The following KIF13A variants were observed in gnomAD, a reference collection of about 807,000 sequenced individuals.
KIF13A encodes the protein kinesin-like protein KIF13A.
In KIF13A, 79 loss-of-function variants were observed where a neutral mutation model predicts 212.2. The observed-to-expected ratio is 0.37, with a 90% CI of 0.31 to 0.45. The LOEUF is 0.45. Ranked by LOEUF, KIF13A falls within the 20% of genes least tolerant of loss-of-function variation. The pLI is 1.00. For missense variants in KIF13A, 1,901 were observed against 2,209.0 expected (o/e 0.86, Z 2.79); for synonymous variants, 789 against 808.6 (o/e 0.98, Z 0.41).
At chr6:17,763,362 C>T (rs545627013), downstream of KIF13A, among the ~76,000 whole-genome samples, 30 of 147,866 alleles carry the variant, frequency 2.0e-4, no homozygotes, top group Admixed American at 4.2e-4. Flanking sequence ...CCCAGCTACA[C>T]GGGAGGCTGA....
At position 17,771,052 on chromosome 6, in the gene KIF13A, G is replaced by A. The variant is rs9477523; in HGVS notation, c.4581+62C>T. ...AATTTCTTCTAGCATTTGGATGATTGTCTGTGAAAGGGCCTTAAACCCACC... is the reference window on the plus strand; with the variant it reads ...AATTTCTTCTAGCATTTGGATGATTATCTGTGAAAGGGCCTTAAACCCACC... On this transcript the variant is annotated intron_variant, in intron 38 of 38. Coordinates refer to ENST00000259711, the MANE Select transcript of KIF13A (RefSeq NM_022113.6). The surrounding 1 kb of genome is among the most constrained non-coding windows in gnomAD (Gnocchi z 5.4). 800 of 1,028,532 alleles carry A rather than the reference G, an allele frequency of 7.8e-4. 2 individuals are homozygous for A. The African/African-American group carries it at 8.0e-3, about 10-fold the overall frequency. The allele number at this position is 1,028,532 out of a possible 1,614,324, so 63.7% of individuals were successfully genotyped here.
At chr6:17,927,600 C>T (rs1039569346) in intron 2 of KIF13A, among the ~76,000 whole-genome samples, 3 of 152,104 alleles carry the variant, frequency 2.0e-5, no homozygotes, top group African/African-American at 7.2e-5. Flanking sequence ...GTGGTGATGG[C>T]TGCATAACAC....
In KIF13A at chr6:17,834,527, C is replaced by T. The variant is rs923399994; in HGVS notation, c.1156-456G>A. On this transcript the variant is annotated intron_variant, in intron 11 of 38. Coordinates refer to ENST00000259711, the MANE Select transcript of KIF13A (RefSeq NM_022113.6). This position sits in a 1 kb window ranked among gnomAD's most constrained non-coding sequence, Gnocchi z 4.0. ...TAAATTTTGAATCTGGGCCTTTAGA[C>T]TACCTTTCTCCACTGATGGTCATGC... Among the ~76,000 whole-genome samples the T allele has an allele frequency of 2.6e-5, 4 of 152,184 alleles. No homozygotes were observed. The highest frequency in any genetic ancestry group is 9.7e-5 in the African/African-American group (4 of 41,438).
chr6:17,791,433 G>C (rs1035533817), intron 25 of KIF13A, among the ~76,000 whole-genome samples: 1 of 148,102 alleles, frequency 6.8e-6, no homozygotes, highest in African/African-American at 2.5e-5. Context: ...ACACTTAACA[G>C]ACGTGACCTG....
intron 4 of KIF13A, among the ~76,000 whole-genome samples, chr6:17,859,638 A>ATATATATATATATATATATTTTTTTTT (rs1461455926): frequency 3.9e-4 from 44 of 111,830 alleles, no homozygotes; most frequent in African/African-American, 1.4e-3. Context: ...ATATATATAT[A>ATATATATATATATATATATTTTTTTTT]TTTTTTTTTT....
chr6:17,779,744 T>TG, intron 31 of KIF13A, 60 bp from the exon 32 acceptor site: 12 of 508,244 alleles, frequency 2.4e-5, no homozygotes, highest in East Asian at 4.7e-5. Context: ...TATTTTGTAT[T>TG]TTTTTTTTTT....
chr6:17,823,415 G>A (rs1397969545), intron 16 of KIF13A, among the ~76,000 whole-genome samples: 6 of 110,226 alleles, frequency 5.4e-5, no homozygotes, highest in South Asian at 3.0e-4. Context: ...CTCTCTCCCC[G>A]CCCCCCACTT....
rs146572836 is a variant in KIF13A at position 17,941,749 on chromosome 6, G to GT, written c.147-43570dup. Reference sequence around the variant, plus strand: ...CCATGTTGAAGGCACCCAGTCTGTGGTACTATGCTATGGTAACCCTAGCAA... The same window carrying GT: ...CCATGTTGAAGGCACCCAGTCTGTGGTTACTATGCTATGGTAACCCTAGCAA... On this transcript the variant is annotated intron_variant, in intron 2 of 38. Transcript: ENST00000259711. 3.0e-3 allele frequency among the ~76,000 whole-genome samples: 446 copies of GT among 150,330 alleles called. 13 individuals are homozygous for GT. The East Asian group carries it at 0.077, about 26-fold the overall frequency.
At chr6:17,884,819 A>G (rs773112903) in intron 3 of KIF13A, among the ~76,000 whole-genome samples, 1 of 152,136 alleles carries the variant, frequency 6.6e-6, no homozygotes, top group Non-Finnish European at 1.5e-5. Flanking sequence ...GCCACTATCT[A>G]CTTTGAAAAC....
At chr6:17,763,341 G>C (rs878869797), downstream of KIF13A, among the ~76,000 whole-genome samples, 2 of 151,924 alleles carry the variant, frequency 1.3e-5, no homozygotes, top group African/African-American at 4.8e-5. Flanking sequence ...GTGCTGGCAC[G>C]TGCCTGTAGT....
chr6:17,766,253 T>TTTATTTATTTA (rs1758970721), intron 38 of KIF13A, among the ~76,000 whole-genome samples: 1 of 146,170 alleles, frequency 6.8e-6, no homozygotes. Flanking sequence ...TATTTATTTA[T>TTTATTTATTTA]TTTGAGATGG....
At chr6:17,941,897 T>C (rs572017534) in intron 2 of KIF13A, among the ~76,000 whole-genome samples, 1 of 152,190 alleles carries the variant, frequency 6.6e-6, no homozygotes, top group East Asian at 1.9e-4. Flanking sequence ...AACGTTATTA[T>C]TAGAGATACT....
chr6:17,793,228 G>A (rs910435029), intron 25 of KIF13A, among the ~76,000 whole-genome samples: 2 of 152,008 alleles, frequency 1.3e-5, no homozygotes, highest in African/African-American at 4.8e-5. Flanking sequence ...TGACAGTCAT[G>A]CACCACGACA....
At chr6:17,845,888 C>T (rs1766980412) in intron 9 of KIF13A, among the ~76,000 whole-genome samples, 1 of 152,124 alleles carries the variant, frequency 6.6e-6, no homozygotes, top group South Asian at 2.1e-4. Context: ...TTCCTAAATC[C>T]ACAGCCCATT....
At position 17,777,718 on chromosome 6, in the gene KIF13A, CAT is replaced by C. The variant is rs549080067; in HGVS notation, c.4093-366_4093-365del. On this transcript the variant is annotated intron_variant, in intron 33 of 38. Transcript: ENST00000259711. This position sits in a 1 kb window ranked among gnomAD's most constrained non-coding sequence, Gnocchi z 4.4. ...TTTTTTATTCTAATTATAAAAGTAA[CAT>C]ATGTTTATTTATAGATTTAAATATA... is the stretch of plus-strand genomic sequence containing the variant. 3.5e-3 allele frequency among the ~76,000 whole-genome samples: 540 copies of C among 152,232 alleles called. 2 individuals are homozygous for C. The highest frequency in any genetic ancestry group is 0.012 in the African/African-American group (518 of 41,552).
intron 2 of KIF13A, among the ~76,000 whole-genome samples, chr6:17,957,393 C>G (rs1354902287): frequency 6.6e-6 from 1 of 152,174 alleles, no homozygotes; most frequent in East Asian, 1.9e-4. Flanking sequence ...GGGACCCTTG[C>G]AGACCTCGCC....
chr6:17,920,282 C>T (rs1196364346), intron 2 of KIF13A, among the ~76,000 whole-genome samples: 1 of 152,136 alleles, frequency 6.6e-6, no homozygotes, highest in Non-Finnish European at 1.5e-5. Flanking sequence ...GCATTCCTAG[C>T]ATCTTCACCT....
At chr6:17,851,824 T>C in intron 7 of KIF13A, 131 bp downstream of exon 7, 1 of 448,168 alleles carries the variant, frequency 2.2e-6, no homozygotes. Context: ...TGCGGTGTGC[T>C]GATACTGGGT....
chr6:17,870,645 A>T (rs1769917241), intron 4 of KIF13A, among the ~76,000 whole-genome samples: 1 of 152,164 alleles, frequency 6.6e-6, no homozygotes, highest in African/African-American at 2.4e-5. Context: ...ATTAGTCTGA[A>T]GTTCTTAGAA....
Sources: gnomAD v4.1 joint callset for allele counts (sites outside exome capture counted in the v4.1 genomes callset) on GRCh38, gnomAD v4.1.1 for gene constraint, Gnocchi (gnomAD v3.1) non-coding constraint, MANE v1.5 for transcripts, NCBI Gene and HGNC (gene_info 2026-07-23, HGNC 2026-07-21) for gene names.